The following BRAF variants were observed in gnomAD, a reference collection of about 807,000 sequenced individuals.
The protein encoded by BRAF is B-Raf proto-oncogene, serine/threonine kinase.
BRAF carries 16 observed loss-of-function variants against 104.6 expected under a neutral mutation model. The ratio of observed to expected loss-of-function variants is 0.15; its 90% CI spans 0.10 to 0.23. The LOEUF is 0.23. Ranked by LOEUF, BRAF falls within the 10% of genes least tolerant of loss-of-function variation. The probability of loss-of-function intolerance (pLI) is 1.00; values close to 1 mark genes in which losing one functional copy is unlikely to be tolerated. For missense variants in BRAF, 541 were observed against 937.3 expected, an observed-to-expected ratio of 0.58 and a Z score of 5.52; for synonymous variants, 310 against 341.6, an observed-to-expected ratio of 0.91 and a Z score of 1.02.
At chr7:140,804,292 C>A (rs1444660708) in intron 5 of BRAF, among the ~76,000 whole-genome samples, 2 of 151,940 alleles carry the variant, frequency 1.3e-5, no homozygotes, top group Non-Finnish European at 2.9e-5. Context: ...ACAACCTCCA[C>A]CTCCTGGATT....
chr7:140,765,347 T>C (rs532909572), intron 14 of BRAF, among the ~76,000 whole-genome samples: 2 of 151,792 alleles, frequency 1.3e-5, no homozygotes, highest in Admixed American at 6.6e-5. Context: ...ATAAAAACCC[T>C]AGAAGAAAAC....
intron 1 of BRAF, among the ~76,000 whole-genome samples, chr7:140,875,308 C>T (rs1044344770): frequency 4.6e-5 from 7 of 152,102 alleles, no homozygotes; most frequent in Non-Finnish European, 1.0e-4. Flanking sequence ...TCGGTGAATC[C>T]AAAAATGGAT....
chr7:140,786,283 GA>G (rs926117032), intron 9 of BRAF, among the ~76,000 whole-genome samples: 4 of 152,276 alleles, frequency 2.6e-5, no homozygotes, highest in Middle Eastern at 3.4e-3. Context: ...TGGGTATACA[GA>G]AACATAACAA....
rs1264454566 is a variant in BRAF at position 140,924,064 on chromosome 7, G to A, written c.138+502C>T. Among the ~76,000 whole-genome samples the A allele has an allele frequency of 1.3e-5, 2 of 152,164 alleles. No homozygotes were observed. The highest frequency in any genetic ancestry group is 1.5e-5 in the Non-Finnish European group (1 of 68,022). ...AATAGAAAAGTGAAAAAGGGCAGCG[G>A]ACTGAGAAGGGGGGCAGTCCGGGAG... On this transcript the variant is annotated intron_variant, in intron 1 of 19. Transcript: ENST00000644969. The surrounding 1 kb of genome is among the most constrained non-coding windows in gnomAD (Gnocchi z 4.2).
At chr7:140,738,927 T>C (rs1230271985) in intron 18 of BRAF, among the ~76,000 whole-genome samples, 2 of 151,922 alleles carry the variant, frequency 1.3e-5, no homozygotes, top group African/African-American at 4.8e-5. Flanking sequence ...ACAGTTCTTT[T>C]TGAAATTTGT....
chr7:140,820,987 C>T (rs986027435), intron 3 of BRAF, among the ~76,000 whole-genome samples: 13 of 152,304 alleles, frequency 8.5e-5, no homozygotes, highest in African/African-American at 3.1e-4. Context: ...TTAGTTATTG[C>T]ACATACTCCA....
At chr7:140,761,311 T>A (rs542263154) in intron 14 of BRAF, among the ~76,000 whole-genome samples, 1 of 152,036 alleles carries the variant, frequency 6.6e-6, no homozygotes, top group South Asian at 2.1e-4. Flanking sequence ...GAAGGAGAAA[T>A]AAAATACTTT....
At chr7:140,747,212 TA>T (rs1008268644) in intron 17 of BRAF, among the ~76,000 whole-genome samples, 1 of 152,180 alleles carries the variant, frequency 6.6e-6, no homozygotes, top group South Asian at 2.1e-4. Flanking sequence ...GTAAGTAGAC[TA>T]GGGGGTAATG....
chr7:140,890,265 T>C (rs1312331352), intron 1 of BRAF, among the ~76,000 whole-genome samples: 1 of 152,206 alleles, frequency 6.6e-6, no homozygotes, highest in Admixed American at 6.5e-5. Context: ...TTTTTAATCA[T>C]AAAATTAAGT....
chr7:140,758,948 G>A (rs1798432797), intron 14 of BRAF, among the ~76,000 whole-genome samples: 1 of 152,162 alleles, frequency 6.6e-6, no homozygotes, highest in African/African-American at 2.4e-5. Context: ...CTTTAGGCTT[G>A]GGAAACCATT....
chr7:140,756,953 T>G (rs1050506872), intron 14 of BRAF, among the ~76,000 whole-genome samples: 5 of 152,202 alleles, frequency 3.3e-5, no homozygotes, highest in African/African-American at 1.2e-4. Flanking sequence ...CATAATGTGG[T>G]GCCCCAAATT....
chr7:140,801,550 G>A lies in BRAF; in HGVS notation c.722C>T (p.Thr241Met), dbSNP rs387906660. Residue 241 changes from threonine to methionine, a missense_variant, in exon 6 of 20, where the codon ACG becomes ATG. Physicochemically the swap from Thr to Met is moderately conservative, Grantham distance 81. Coordinates refer to ENST00000644969, the MANE Select transcript of BRAF (RefSeq NM_001374258.1). ...GTCACAAAATGCTAAGGTGAAAAAC[G>A]TTTTTCGTACCTGCAAAGTAAAAAA... ...PLTTHNFVRK[T>M]FFTLAFCDFC... The A allele has an allele frequency of 1.2e-6, 2 of 1,612,376 alleles. No individual in the cohort carries two copies. The highest frequency in any genetic ancestry group is 1.7e-6 in the Non-Finnish European group (2 of 1,179,086).
intron 3 of BRAF, among the ~76,000 whole-genome samples, chr7:140,815,295 G>T (rs890431517): frequency 2.0e-5 from 3 of 151,630 alleles, no homozygotes; most frequent in Non-Finnish European, 2.9e-5. Flanking sequence ...CTGCCACCAC[G>T]CCTGGCTAAT....
intron 18 of BRAF, 44 bp from the exon 18 acceptor site, chr7:140,734,814 G>T: frequency 4.7e-6 from 5 of 1,064,180 alleles, no homozygotes; most frequent in African/African-American, 5.0e-5. Context: ...AAAGAAAAAA[G>T]AAAAAAAAAG....
downstream of BRAF, among the ~76,000 whole-genome samples, chr7:140,716,309 A>C (rs1422432165): frequency 1.3e-5 from 2 of 152,230 alleles, no homozygotes; most frequent in Non-Finnish European, 2.9e-5. Context: ...TGGGCAAATA[A>C]CTTTGATCTG....
chr7:140,841,296 C>T (rs1238093736), intron 2 of BRAF, among the ~76,000 whole-genome samples: 2 of 152,032 alleles, frequency 1.3e-5, no homozygotes, highest in Non-Finnish European at 2.9e-5. Context: ...GTTAGGAATA[C>T]AAAATAGTGC....
In BRAF at chr7:140,726,245, G is replaced by A; in HGVS notation, c.*249C>T. The A allele has an allele frequency of 1.5e-6, 2 of 1,330,362 alleles. No individual in the cohort carries two copies. Among genetic ancestry groups the A allele is most frequent in the South Asian group, 4.1e-5 (2 of 48,440 alleles). 82.4% of individuals were successfully genotyped at this position (1,330,362 alleles called of 1,614,324 possible). On this transcript the variant is annotated 3_prime_UTR_variant, in exon 20 of 20. Transcript: ENST00000644969. ...TTCAGGGTCTCTCCTCTTTCTTCCTGGGACTGGGCAGACTTGTATGCTCGT... is the reference window on the plus strand; with the variant it reads ...TTCAGGGTCTCTCCTCTTTCTTCCTAGGACTGGGCAGACTTGTATGCTCGT...
At chr7:140,809,090 C>G in intron 3 of BRAF, 95 bp from the exon 4 acceptor site, 1 of 934,796 alleles carries the variant, frequency 1.1e-6, no homozygotes, top group Non-Finnish European at 1.7e-6. Flanking sequence ...TTTAAAAAGT[C>G]AAATGGGTTA....
intron 8 of BRAF, among the ~76,000 whole-genome samples, chr7:140,793,979 T>C (rs1267842705): frequency 6.6e-6 from 1 of 152,236 alleles, no homozygotes; most frequent in Non-Finnish European, 1.5e-5. Context: ...ATCATTTTTA[T>C]AAAAGTTTTA....
Sources: gnomAD v4.1 joint callset for allele counts (sites outside exome capture counted in the v4.1 genomes callset) on GRCh38, gnomAD v4.1.1 for gene constraint, Gnocchi (gnomAD v3.1) non-coding constraint, MANE v1.5 for transcripts, NCBI Gene and HGNC (gene_info 2026-07-23, HGNC 2026-07-21) for gene names.